IL1RL1: variants seen among roughly 807,000 people sequenced by gnomAD.
IL1RL1 encodes the protein interleukin 1 receptor like 1.
A neutral mutation model predicts 50.9 loss-of-function variants in IL1RL1; 32 were observed. That is an observed-to-expected ratio of 0.63 (90% confidence interval 0.47 to 0.84). The LOEUF (loss-of-function observed/expected upper bound fraction) is 0.84. Ranked by LOEUF, IL1RL1 falls within the 40% of genes least tolerant of loss-of-function variation. IL1RL1 has a pLI of 0.00. For synonymous variants in IL1RL1, 275 were observed against 236.0 expected (o/e 1.17, Z -1.51); for missense variants, 773 against 662.9 (o/e 1.17, Z -1.82).
chr2:102,316,298 A>T (rs947270699), intron 1 of IL1RL1, among the ~76,000 whole-genome samples: 1 of 152,156 alleles, frequency 6.6e-6, no homozygotes, highest in Non-Finnish European at 1.5e-5. Flanking sequence ...TTTACCTTAA[A>T]TCTTTCCATA....
At chr2:102,315,514 T>C (rs1386911634) in intron 1 of IL1RL1, among the ~76,000 whole-genome samples, 2 of 152,182 alleles carry the variant, frequency 1.3e-5, no homozygotes, top group Non-Finnish European at 2.9e-5. Flanking sequence ...TCATGACTCT[T>C]TAGGAACAGT....
At chr2:102,343,598 C>A in intron 8 of IL1RL1, 183 bp downstream of exon 8, 1 of 1,471,612 alleles carries the variant, frequency 6.8e-7, no homozygotes, top group Non-Finnish European at 9.0e-7. Context: ...TTGCTGGGAG[C>A]TTCTCTGCTG....
At chr2:102,324,117 T>A (rs997378050) in intron 1 of IL1RL1, among the ~76,000 whole-genome samples, 8 of 152,066 alleles carry the variant, frequency 5.3e-5, no homozygotes, top group Non-Finnish European at 1.0e-4. Context: ...TTTGGCTATA[T>A]GAATTGAACT....
chr2:102,345,389 A>T (rs1181085276), intron 8 of IL1RL1: 2 of 985,380 alleles, frequency 2.0e-6, no homozygotes, highest in East Asian at 2.3e-4. Flanking sequence ...CCCGTATAAA[A>T]GGAAGGAAAG....
chr2:102,339,328 A>G (rs1677454003), intron 3 of IL1RL1: 3 of 324,074 alleles, frequency 9.3e-6, no homozygotes, highest in East Asian at 5.2e-5. Flanking sequence ...ACTGAGAGCA[A>G]TTGCTTACTT....
intron 1 of IL1RL1, among the ~76,000 whole-genome samples, chr2:102,322,433 C>T (rs1676862174): frequency 6.6e-6 from 1 of 152,146 alleles, no homozygotes; most frequent in Non-Finnish European, 1.5e-5. Context: ...CACAGGACAA[C>T]TTGTTCTATG....
Position 102,338,225 on chromosome 2 carries a change from A to G in IL1RL1, c.-40A>G, listed in dbSNP as rs535185765. The G allele has an allele frequency of 1.2e-4, 167 of 1,432,408 alleles. 3 individuals carry two copies. In the South Asian group the frequency reaches 1.8e-3, roughly 15 times the overall value. The allele number at this position is 1,432,408 out of a possible 1,614,324, so 88.7% of individuals were successfully genotyped here. ...CAGTGACTCATCTGGAGTAATCTCA[A>G]CAACGAGTTACCAATACTTGCTCTT... is the stretch of plus-strand genomic sequence containing the variant. On this transcript the variant is annotated 5_prime_UTR_variant, in exon 2 of 11. Transcript: ENST00000233954.
chr2:102,333,410 T>G (rs2104977286), intron 1 of IL1RL1, among the ~76,000 whole-genome samples: 1 of 152,244 alleles, frequency 6.6e-6, no homozygotes, highest in Non-Finnish European at 1.5e-5. Context: ...AATGGAGTCT[T>G]GGTCTGAGCC....
At chr2:102,340,875 G>C in intron 5 of IL1RL1, 47 bp downstream of exon 5, 7 of 1,458,830 alleles carry the variant, frequency 4.8e-6, no homozygotes, top group East Asian at 2.5e-5. Context: ...GAAAGAAGTC[G>C]AAGTGGGAAC....
chr2:102,343,242 C>T (rs370716558), intron 7 of IL1RL1, 28 bp from the exon 8 acceptor site: 2 of 1,613,880 alleles, frequency 1.2e-6, no homozygotes, highest in African/African-American at 2.7e-5. Flanking sequence ...GCAAAGTAGG[C>T]ATTAAAAGTA....
intron 1 of IL1RL1, among the ~76,000 whole-genome samples, chr2:102,335,266 T>G (rs958829818): frequency 6.6e-6 from 1 of 152,218 alleles, no homozygotes; most frequent in African/African-American, 2.4e-5. Flanking sequence ...ATTTAGTTCT[T>G]TTCAAAGAAG....
At chr2:102,320,799 A>G (rs1162196347) in intron 1 of IL1RL1, among the ~76,000 whole-genome samples, 1 of 152,166 alleles carries the variant, frequency 6.6e-6, no homozygotes, top group Admixed American at 6.6e-5. Context: ...CGCCCTGGTC[A>G]TAGCCACCGT....
chr2:102,337,533 A>T (rs1196308116), intron 1 of IL1RL1, among the ~76,000 whole-genome samples: 1 of 152,196 alleles, frequency 6.6e-6, no homozygotes, highest in Non-Finnish European at 1.5e-5. Context: ...ATAGACCTTC[A>T]ACTACTCTTA....
At chr2:102,313,339 C>T (rs1676576977) in intron 1 of IL1RL1, 1 of 152,170 alleles carries the variant, frequency 6.6e-6, no homozygotes, top group South Asian at 2.1e-4. Context: ...ACTTTTATCT[C>T]TGCGCCCTGT....
At chr2:102,349,429 C>G (rs1217815848) in intron 10 of IL1RL1, among the ~76,000 whole-genome samples, 183 bp downstream of exon 10, 2 of 151,848 alleles carry the variant, frequency 1.3e-5, no homozygotes, top group East Asian at 1.9e-4. Context: ...CCATCATTGT[C>G]CTGGTGATGA....
chr2:102,337,915 A>G (rs1196812644), intron 1 of IL1RL1, among the ~76,000 whole-genome samples: 2 of 152,202 alleles, frequency 1.3e-5, no homozygotes, highest in African/African-American at 4.8e-5. Context: ...ACTGTGAAAT[A>G]GCATGATCAT....
At chr2:102,328,940 T>C (rs1285100617) in intron 1 of IL1RL1, among the ~76,000 whole-genome samples, 1 of 152,098 alleles carries the variant, frequency 6.6e-6, no homozygotes, top group African/African-American at 2.4e-5. Context: ...TTCAATGCCA[T>C]CCCCATCAAG....
chr2:102,347,888 C>T, intron 8 of IL1RL1, 57 bp from the exon 9 acceptor site: 1 of 991,524 alleles, frequency 1.0e-6, no homozygotes. Context: ...ATCCATGTAT[C>T]AGTTTATTAT....
chr2:102,313,557 G>A (rs1347957529), intron 1 of IL1RL1: 1 of 152,126 alleles, frequency 6.6e-6, no homozygotes, highest in East Asian at 1.9e-4. Flanking sequence ...TTTCCTCTAG[G>A]AGAATTCTTC....
Sources: allele counts gnomAD v4.1 joint callset (sites outside exome capture counted in the v4.1 genomes callset), GRCh38; gene constraint gnomAD v4.1.1; transcripts MANE v1.5; gene names NCBI Gene and HGNC (gene_info 2026-07-23, HGNC 2026-07-21).